Variants in DLG2 observed in about 807,000 individuals in gnomAD.
The protein encoded by DLG2 is discs large MAGUK scaffold protein 2, also known as disks large homolog 2.
DLG2 carries 45 observed loss-of-function variants against 132.5 expected under a neutral mutation model. The ratio of observed to expected loss-of-function variants is 0.34; its 90% CI spans 0.27 to 0.44. The LOEUF is 0.44. Ranked by LOEUF, DLG2 falls within the 20% of genes least tolerant of loss-of-function variation. The pLI, the probability that DLG2 is intolerant of heterozygous loss-of-function variation, is 1.00. For missense variants in DLG2, 1,045 were observed against 1,196.9 expected (o/e 0.87, Z 1.87); for synonymous variants, 424 against 419.6 (o/e 1.01, Z -0.13).
At position 85,273,979 on chromosome 11, in the gene DLG2, A is replaced by G. The variant is rs186543706; in HGVS notation, c.186+11241T>C. Among the ~76,000 whole-genome samples the G allele has an allele frequency of 2.2e-3, 341 of 152,320 alleles. 1 individual carries two copies. The highest frequency in any genetic ancestry group is 7.9e-3 in the African/African-American group (330 of 41,578). ...AGGGACATGGATGAAGCTGGAAACC[A>G]TCATTCTCAGCAAACTATCACAAGA... is the stretch of plus-strand genomic sequence containing the variant. On this transcript the variant is annotated intron_variant, in intron 4 of 27. Coordinates refer to ENST00000376104, the MANE Select transcript of DLG2 (RefSeq NM_001142699.3).
chr11:85,431,381 T>C (rs937831654), intron 3 of DLG2, among the ~76,000 whole-genome samples: 11 of 152,132 alleles, frequency 7.2e-5, no homozygotes, highest in African/African-American at 2.4e-4. Flanking sequence ...TAGGCAACCA[T>C]GCTTTTTCCA....
intron 4 of DLG2, among the ~76,000 whole-genome samples, chr11:85,234,760 GT>G (rs755652742): frequency 2.4e-4 from 37 of 151,848 alleles, no homozygotes; most frequent in Non-Finnish European, 4.6e-4. Flanking sequence ...AATTTTTTAG[GT>G]TCTCTCCCTT....
At chr11:84,979,143 T>TA (rs1194543430) in intron 6 of DLG2, among the ~76,000 whole-genome samples, 2 of 152,052 alleles carry the variant, frequency 1.3e-5, no homozygotes, top group African/African-American at 4.8e-5. Flanking sequence ...TGGCCATCAT[T>TA]AAAATGTCAG....
chr11:84,388,196 T>C (rs1244028623), intron 7 of DLG2, among the ~76,000 whole-genome samples: 1 of 152,176 alleles, frequency 6.6e-6, no homozygotes, highest in Non-Finnish European at 1.5e-5. Context: ...AGAGAAGTTA[T>C]TACTGGAGGG....
At chr11:85,484,758 T>C (rs780165941) in intron 3 of DLG2, among the ~76,000 whole-genome samples, 4,371 of 149,772 alleles carry the variant, frequency 0.029, 167 homozygotes, top group Non-Finnish European at 0.032. Flanking sequence ...TTGGTGGGAC[T>C]GTAAACTAGT....
chr11:83,684,172 C>T (rs1273748888), intron 18 of DLG2, among the ~76,000 whole-genome samples: 1 of 152,082 alleles, frequency 6.6e-6, no homozygotes, highest in African/African-American at 2.4e-5. Flanking sequence ...CGTTCCACTG[C>T]TAACTCCTAC....
intron 6 of DLG2, among the ~76,000 whole-genome samples, chr11:84,738,534 G>A (rs1267543573): frequency 6.6e-6 from 1 of 152,010 alleles, no homozygotes; most frequent in Non-Finnish European, 1.5e-5. Context: ...CCTCCTATAT[G>A]TTGCTATAAA....
chr11:84,055,564 C>T (rs1322360733), intron 11 of DLG2, among the ~76,000 whole-genome samples: 1 of 152,058 alleles, frequency 6.6e-6, no homozygotes, highest in Non-Finnish European at 1.5e-5. Context: ...TAGAAGTTAT[C>T]AAGATCTTTT....
At chr11:84,310,187 T>G (rs974836015) in intron 7 of DLG2, among the ~76,000 whole-genome samples, 1 of 152,152 alleles carries the variant, frequency 6.6e-6, no homozygotes, top group Non-Finnish European at 1.5e-5. Context: ...GAGGTCTCCT[T>G]AGGGTATTTT....
At chr11:83,719,086 C>A (rs1207399804) in intron 18 of DLG2, among the ~76,000 whole-genome samples, 1 of 152,102 alleles carries the variant, frequency 6.6e-6, no homozygotes, top group South Asian at 2.1e-4. Context: ...TTAAAAATAC[C>A]CTGCACAGCC....
intron 3 of DLG2, among the ~76,000 whole-genome samples, chr11:85,517,980 G>A (rs2094202358): frequency 6.6e-6 from 1 of 152,152 alleles, no homozygotes; most frequent in African/African-American, 2.4e-5. Flanking sequence ...CGTAAGATGT[G>A]ACTTGCTCCT....
chr11:83,830,278 G>C (rs1396225712), intron 17 of DLG2, among the ~76,000 whole-genome samples: 1 of 152,160 alleles, frequency 6.6e-6, no homozygotes, highest in African/African-American at 2.4e-5. Flanking sequence ...CTTATTTACT[G>C]TGTGGTCCTG....
At chr11:83,785,383 C>T (rs1409911003) in intron 18 of DLG2, among the ~76,000 whole-genome samples, 3 of 152,014 alleles carry the variant, frequency 2.0e-5, no homozygotes, top group Non-Finnish European at 4.4e-5. Flanking sequence ...AGCATTTGTC[C>T]CTACTGAAAT....
chr11:83,998,262 G>T (rs780098156), intron 11 of DLG2, among the ~76,000 whole-genome samples: 8 of 152,142 alleles, frequency 5.3e-5, no homozygotes, highest in Non-Finnish European at 1.2e-4. Flanking sequence ...TTTGTTGTTG[G>T]CTTGCTGTAA....
rs141909775 is a variant in DLG2 at position 85,076,453 on chromosome 11, G to C, written c.357+35208C>G. 1.4e-4 allele frequency among the ~76,000 whole-genome samples: 22 copies of C among 152,082 alleles called. No homozygotes were observed. In the South Asian group the frequency reaches 2.3e-3, roughly 16 times the overall value. On this transcript the variant is annotated intron_variant, in intron 6 of 27. Coordinates refer to ENST00000376104, the MANE Select transcript of DLG2 (RefSeq NM_001142699.3). Reference sequence around the variant, plus strand: ...CTAAACTTTATTCATCCACCTGGAGGCAACAACCCGGAAATGGTTTGACAA... The same window carrying C: ...CTAAACTTTATTCATCCACCTGGAGCCAACAACCCGGAAATGGTTTGACAA...
intron 5 of DLG2, among the ~76,000 whole-genome samples, chr11:85,125,806 T>C (rs1031435871): frequency 4.7e-5 from 7 of 148,540 alleles, no homozygotes; most frequent in South Asian, 2.1e-4. Flanking sequence ...CCAGACATTA[T>C]ACACACACAC....
chr11:84,318,826 T>C (rs573789918), intron 7 of DLG2, among the ~76,000 whole-genome samples: 1 of 152,288 alleles, frequency 6.6e-6, no homozygotes, highest in East Asian at 1.9e-4. Flanking sequence ...TGGCCATTTT[T>C]CTCTAAGCAC....
At chr11:84,913,294 G>T (rs990389732) in intron 6 of DLG2, among the ~76,000 whole-genome samples, 8 of 152,170 alleles carry the variant, frequency 5.3e-5, no homozygotes, top group Non-Finnish European at 1.0e-4. Context: ...ACTTTTGCAT[G>T]AAGTATGTAT....
At chr11:84,769,649 C>T (rs980556816) in intron 6 of DLG2, among the ~76,000 whole-genome samples, 1 of 152,030 alleles carries the variant, frequency 6.6e-6, no homozygotes, top group African/African-American at 2.4e-5. Context: ...AGATACTATA[C>T]AAAACAAACA....
Sources: allele counts gnomAD v4.1 joint callset (sites outside exome capture counted in the v4.1 genomes callset), GRCh38; gene constraint gnomAD v4.1.1; transcripts MANE v1.5; gene names NCBI Gene and HGNC (gene_info 2026-07-23, HGNC 2026-07-21).